RCAN3: variants seen among roughly 807,000 people sequenced by gnomAD.
The protein encoded by RCAN3 is regulator of calcineurin 3, also known as calcipressin-3.
RCAN3 carries 19 observed loss-of-function variants against 21.9 expected under a neutral mutation model. The ratio of observed to expected loss-of-function variants is 0.87; its 90% CI spans 0.61 to 1.27. The LOEUF is 1.27. RCAN3 is among the 50% of genes most tolerant of loss of function. The pLI is 0.00. For synonymous variants in RCAN3, 114 were observed against 112.3 expected, an observed-to-expected ratio of 1.01 and a Z score of -0.09; for missense variants, 240 against 300.1, an observed-to-expected ratio of 0.80 and a Z score of 1.48.
At chr1:24,528,598 T>C (rs1649469544) in intron 2 of RCAN3, among the ~76,000 whole-genome samples, 1 of 152,204 alleles carries the variant, frequency 6.6e-6, no homozygotes, top group Non-Finnish European at 1.5e-5. Flanking sequence ...GGCATTCCTT[T>C]ATCTGGAAGA....
intron 1 of RCAN3, 46 bp downstream of exon 1, chr1:24,503,196 G>A (rs1318152211): frequency 7.0e-6 from 1 of 143,748 alleles, no homozygotes; most frequent in Admixed American, 6.8e-5. Context: ...GGGTGGGGGG[G>A]GTGGTGCATG....
intron 2 of RCAN3, among the ~76,000 whole-genome samples, chr1:24,528,599 A>T (rs1000345478): frequency 2.0e-5 from 3 of 152,252 alleles, no homozygotes; most frequent in Non-Finnish European, 2.9e-5. Context: ...GCATTCCTTT[A>T]TCTGGAAGAC....
intron 2 of RCAN3, among the ~76,000 whole-genome samples, chr1:24,526,615 ACAT>A (rs879924099): frequency 6.6e-6 from 1 of 152,236 alleles, no homozygotes; most frequent in African/African-American, 2.4e-5. Flanking sequence ...TAGGGATAAT[ACAT>A]GAGCCTTTTC....
chr1:24,517,328 G>A (rs1238911294), intron 2 of RCAN3, among the ~76,000 whole-genome samples: 2 of 152,070 alleles, frequency 1.3e-5, no homozygotes, highest in East Asian at 3.9e-4. Context: ...CATTGGCCAG[G>A]CTGGTCTTGA....
At chr1:24,517,266 C>G (rs1648415313) in intron 2 of RCAN3, among the ~76,000 whole-genome samples, 1 of 152,058 alleles carries the variant, frequency 6.6e-6, no homozygotes, top group Non-Finnish European at 1.5e-5. Context: ...AGGCACATGC[C>G]ACAATGCCCG....
chr1:24,517,311 T>A (rs1377636918), intron 2 of RCAN3, among the ~76,000 whole-genome samples: 1 of 152,146 alleles, frequency 6.6e-6, no homozygotes, highest in Non-Finnish European at 1.5e-5. Flanking sequence ...GAGATGGGGT[T>A]TCACCACATT....
chr1:24,521,990 T>C (rs1182655126), intron 2 of RCAN3, among the ~76,000 whole-genome samples: 1 of 152,168 alleles, frequency 6.6e-6, no homozygotes, highest in East Asian at 1.9e-4. Flanking sequence ...ATAGTGGTGA[T>C]GGTCACACAG....
chr1:24,510,047 C>T (rs1647749758), intron 1 of RCAN3, among the ~76,000 whole-genome samples: 1 of 152,008 alleles, frequency 6.6e-6, no homozygotes. Flanking sequence ...CTCTTTTTTT[C>T]TTAGCAGTAG....
intron 2 of RCAN3, among the ~76,000 whole-genome samples, chr1:24,526,949 T>C (rs1368434163): frequency 6.6e-6 from 1 of 152,240 alleles, no homozygotes; most frequent in Non-Finnish European, 1.5e-5. Flanking sequence ...CAGCATTTAA[T>C]ATACTTACAT....
chr1:24,510,071 G>T (rs1647753016), intron 1 of RCAN3, among the ~76,000 whole-genome samples: 1 of 152,118 alleles, frequency 6.6e-6, no homozygotes, highest in African/African-American at 2.4e-5. Context: ...TCAAGAATGG[G>T]CTTAAAACGT....
rs1650444471 is a variant in RCAN3 at position 24,540,663 on chromosome 1, T to G, written c.*5386T>G. On this transcript the variant is annotated 3_prime_UTR_variant, in exon 5 of 5. Transcript: ENST00000374395. ...GTTTCAGAAAACTTTCCCAATCATT[T>G]CACTTCAATCTTAATTGAACCCAAG... 4 of 152,204 alleles carry G rather than the reference T, an allele frequency of 2.6e-5. No individual in the cohort carries two copies. In the South Asian group the frequency reaches 8.3e-4, roughly 32 times the overall value. 9.4% of individuals were successfully genotyped at this position (152,204 alleles called of 1,614,324 possible). A position where few individuals can be genotyped will look rare whatever the true frequency, so the allele number is the denominator to read the frequency against.
chr1:24,523,587 T>C (rs1452138031), intron 2 of RCAN3, among the ~76,000 whole-genome samples: 1 of 149,088 alleles, frequency 6.7e-6, no homozygotes, highest in East Asian at 2.0e-4. Flanking sequence ...GTATATCAAA[T>C]CTATATTATT....
Position 24,536,883 on chromosome 1 carries a change from A to G in RCAN3, c.*1606A>G, listed in dbSNP as rs1157846259. 2.0e-5 allele frequency: 3 copies of G among 152,036 alleles called. No individual in the cohort carries two copies. Among genetic ancestry groups the G allele is most frequent in the Admixed American group, 1.3e-4 (2 of 15,242 alleles). The allele number at this position is 152,036 out of a possible 1,614,324, so 9.4% of individuals were successfully genotyped here. ...TGATAAACTGTTCCAGTTGTAGCCA[A>G]CTACCACTGCTAGGCCTCAATGTAA... On this transcript the variant is annotated 3_prime_UTR_variant, in exon 5 of 5. Coordinates refer to ENST00000374395, the MANE Select transcript of RCAN3 (RefSeq NM_013441.4).
At chr1:24,506,127 G>A (rs188730091) in intron 1 of RCAN3, among the ~76,000 whole-genome samples, 4 of 152,158 alleles carry the variant, frequency 2.6e-5, no homozygotes, top group African/African-American at 7.2e-5. Context: ...GGAGGATATC[G>A]GTTCAGCCCT....
chr1:24,502,664 T>C (rs1647194587), upstream of RCAN3, among the ~76,000 whole-genome samples: 1 of 151,192 alleles, frequency 6.6e-6, no homozygotes, highest in Non-Finnish European at 1.5e-5. Context: ...GCCCCAGCGC[T>C]ACAGCCCAAG....
chr1:24,527,295 G>A (rs545744994), intron 2 of RCAN3, among the ~76,000 whole-genome samples: 15 of 152,280 alleles, frequency 9.9e-5, no homozygotes, highest in East Asian at 5.8e-4. Flanking sequence ...GAGCTACCGC[G>A]CATGGCTTTC....
At chr1:24,529,252 A>G (rs1197678084) in intron 2 of RCAN3, among the ~76,000 whole-genome samples, 1 of 151,718 alleles carries the variant, frequency 6.6e-6, no homozygotes, top group East Asian at 2.0e-4. Context: ...ACAAAAATAA[A>G]ATAAAATTAG....
chr1:24,521,404 C>G (rs186136365), intron 2 of RCAN3, among the ~76,000 whole-genome samples: 22 of 151,994 alleles, frequency 1.4e-4, no homozygotes, highest in Non-Finnish European at 2.5e-4. Context: ...TCTCCTAAAA[C>G]AAAACAAAAC....
chr1:24,531,562 G>A (rs576264461), intron 3 of RCAN3, among the ~76,000 whole-genome samples, 171 bp downstream of exon 3: 10 of 151,816 alleles, frequency 6.6e-5, no homozygotes, highest in Admixed American at 2.6e-4. Flanking sequence ...ACATAATTTC[G>A]TGTATTTATT....
Sources: allele counts gnomAD v4.1 joint callset (sites outside exome capture counted in the v4.1 genomes callset), GRCh38; gene constraint gnomAD v4.1.1; transcripts MANE v1.5; gene names NCBI Gene and HGNC (gene_info 2026-07-23, HGNC 2026-07-21).